Variants in RFX8 observed in about 807,000 individuals in gnomAD.
RFX8 encodes regulatory factor X8, also known as DNA-binding protein RFX8.
Under a neutral mutation model 54.6 loss-of-function variants are expected in RFX8, and 46 were observed. The observed-to-expected ratio is 0.84, with a 90% CI of 0.67 to 1.08. The LOEUF (loss-of-function observed/expected upper bound fraction) is 1.08, where lower values mean the gene tolerates loss of function less well. Ranked by LOEUF, RFX8 falls within the 50% of genes least tolerant of loss-of-function variation. RFX8 has a pLI of 0.00. For synonymous variants in RFX8, 192 were observed against 209.5 expected, an observed-to-expected ratio of 0.92 and a Z score of 0.72; for missense variants, 536 against 562.3, an observed-to-expected ratio of 0.95 and a Z score of 0.47.
chr2:101,463,594 G>A (rs1044983333), intron 2 of RFX8, among the ~76,000 whole-genome samples: 2 of 152,190 alleles, frequency 1.3e-5, no homozygotes, highest in Non-Finnish European at 2.9e-5. Flanking sequence ...ACAGCCTGCC[G>A]GGCAGGCAGC....
intron 6 of RFX8, among the ~76,000 whole-genome samples, chr2:101,416,461 C>T (rs1329427661): frequency 1.3e-5 from 2 of 152,016 alleles, no homozygotes; most frequent in African/African-American, 2.4e-5. Context: ...GGAGGAGTGG[C>T]GATTAGACAT....
chr2:101,401,286 T>G (rs779495125), intron 11 of RFX8, among the ~76,000 whole-genome samples: 5 of 152,012 alleles, frequency 3.3e-5, no homozygotes, highest in Non-Finnish European at 7.4e-5. Flanking sequence ...GTTTTGTTTT[T>G]TTGGTCTAGG....
intron 2 of RFX8, among the ~76,000 whole-genome samples, chr2:101,423,073 C>A (rs1230433946): frequency 6.6e-6 from 1 of 152,092 alleles, no homozygotes; most frequent in Non-Finnish European, 1.5e-5. Context: ...GCCTAGCCAA[C>A]ATGGTGAAAC....
chr2:101,469,004 GTATATATATATAGGTATA>G (rs1558896100), intron 1 of RFX8, among the ~76,000 whole-genome samples: 1 of 25,286 alleles, frequency 4.0e-5, no homozygotes, highest in African/African-American at 9.8e-5. Flanking sequence ...ATATATATAC[GTATATATATATAGGTATA>G]TATATATACG....
intron 2 of RFX8, among the ~76,000 whole-genome samples, chr2:101,442,081 T>C (rs1369846227): frequency 1.3e-5 from 2 of 152,228 alleles, no homozygotes; most frequent in African/African-American, 4.8e-5. Flanking sequence ...ATAGTTCTCA[T>C]AGTGGTCACA....
intron 8 of RFX8, among the ~76,000 whole-genome samples, chr2:101,411,888 G>A (rs1053243194): frequency 6.6e-6 from 1 of 152,162 alleles, no homozygotes; most frequent in African/African-American, 2.4e-5. Context: ...GAAAGAGGAT[G>A]GGCTAATTTA....
At chr2:101,402,342 G>T in intron 11 of RFX8, 94 bp downstream of exon 11, 1 of 1,113,586 alleles carries the variant, frequency 9.0e-7, no homozygotes, top group Non-Finnish European at 1.3e-6. Context: ...GTTTATCATT[G>T]TTTGGACAAA....
chr2:101,410,264 C>T (rs764307939), intron 9 of RFX8, among the ~76,000 whole-genome samples: 1 of 151,708 alleles, frequency 6.6e-6, no homozygotes, highest in Non-Finnish European at 1.5e-5. Context: ...TCATGCACAC[C>T]CACTCACCTG....
intron 2 of RFX8, among the ~76,000 whole-genome samples, chr2:101,433,673 T>C (rs1443602200): frequency 6.6e-6 from 1 of 152,200 alleles, no homozygotes; most frequent in Non-Finnish European, 1.5e-5. Context: ...GCATCATAAA[T>C]TGCCCTCGCA....
rs1685197965 is a variant in RFX8, at chr2:101,397,600, A to ACAT, written c.1367_1369dup (p.Asp456dup). Reference sequence around the variant, plus strand: ...ATAAATATCTTCAGAGCTTTGGGGTACATCTGATATCTGAATCACAAATTG... The same window carrying ACAT: ...ATAAATATCTTCAGAGCTTTGGGGTACATCATCTGATATCTGAATCACAAATTG... On this transcript the variant is annotated inframe_insertion, in exon 12 of 12. Coordinates refer to ENST00000428343, the MANE Select transcript of RFX8 (RefSeq NM_001145664.2). 1 of 1,550,702 alleles carries ACAT rather than the reference A, an allele frequency of 6.4e-7. No individual in the cohort carries two copies. Among genetic ancestry groups the ACAT allele is most frequent in the African/African-American group, 1.4e-5 (1 of 73,026 alleles).
chr2:101,411,134 G>A (rs746736438), intron 8 of RFX8, among the ~76,000 whole-genome samples: 5 of 152,224 alleles, frequency 3.3e-5, no homozygotes, highest in Non-Finnish European at 7.3e-5. Context: ...GAGAGGGTGA[G>A]CGCCTTGCCT....
chr2:101,453,537 G>C (rs1047480632), intron 2 of RFX8, among the ~76,000 whole-genome samples: 1 of 152,038 alleles, frequency 6.6e-6, no homozygotes, highest in African/African-American at 2.4e-5. Flanking sequence ...AGCTGAGAGT[G>C]CATCGCACTC....
At chr2:101,469,017 G>GGTATATATATATATACGTATATATAT (rs1689751469) in intron 1 of RFX8, among the ~76,000 whole-genome samples, 1 of 20,544 alleles carries the variant, frequency 4.9e-5, no homozygotes, top group Non-Finnish European at 1.5e-4. Flanking sequence ...TATATATATA[G>GGTATATATATATATACGTATATATAT]GTATATATAT....
chr2:101,470,709 CTTTTTTTTTTTTTT>C (rs537834632), intron 1 of RFX8, among the ~76,000 whole-genome samples: 38 of 105,542 alleles, frequency 3.6e-4, no homozygotes, highest in Admixed American at 4.7e-4. Flanking sequence ...TCTGAGTACT[CTTTTTTTTTTTTTT>C]TTTTTTTTTT....
At chr2:101,443,342 C>A (rs559665410) in intron 2 of RFX8, among the ~76,000 whole-genome samples, 1 of 152,262 alleles carries the variant, frequency 6.6e-6, no homozygotes, top group East Asian at 1.9e-4. Flanking sequence ...CTTGTCCCAA[C>A]CAGAAGTCTC....
rs187044925 is a variant in RFX8, at chr2:101,409,202, C to T, written c.813+1417G>A. 3.9e-5 allele frequency among the ~76,000 whole-genome samples: 6 copies of T among 152,210 alleles called. No homozygotes were observed. The East Asian group carries it at 1.2e-3, about 29-fold the overall frequency. On this transcript the variant is annotated intron_variant, in intron 9 of 11. Transcript: ENST00000428343. ...AGGTGGGGCCCGGGCTGCCTCATTTCCCTCTAGGTGTTTTTGTTTGTTTGT... is the reference window on the plus strand; with the variant it reads ...AGGTGGGGCCCGGGCTGCCTCATTTTCCTCTAGGTGTTTTTGTTTGTTTGT...
chr2:101,411,146 C>T (rs542347858), intron 8 of RFX8, among the ~76,000 whole-genome samples: 24 of 152,204 alleles, frequency 1.6e-4, no homozygotes, highest in Admixed American at 2.6e-4. Context: ...GCCTTGCCTG[C>T]GGTTATGCAC....
At chr2:101,422,963 G>T (rs1030276483) in intron 2 of RFX8, among the ~76,000 whole-genome samples, 1 of 152,128 alleles carries the variant, frequency 6.6e-6, no homozygotes, top group Non-Finnish European at 1.5e-5. Context: ...TCCTTTAGAA[G>T]AACCAATTAC....
At chr2:101,424,796 C>T (rs1687081762) in intron 2 of RFX8, among the ~76,000 whole-genome samples, 1 of 152,136 alleles carries the variant, frequency 6.6e-6, no homozygotes, top group South Asian at 2.1e-4. Context: ...TGTTCTCACT[C>T]ATAGGTGAGA....
Sources: gnomAD v4.1 joint callset for allele counts (sites outside exome capture counted in the v4.1 genomes callset) on GRCh38, gnomAD v4.1.1 for gene constraint, MANE v1.5 for transcripts, NCBI Gene and HGNC (gene_info 2026-07-23, HGNC 2026-07-21) for gene names.